Variants in FTCDNL1 observed in about 807,000 individuals in gnomAD.
FTCDNL1 encodes formiminotransferase N-terminal subdomain-containing protein.
In FTCDNL1, 11 loss-of-function variants were observed where a neutral mutation model predicts 5.9. That is an observed-to-expected ratio of 1.87 (90% confidence interval 1.18 to 3.10). FTCDNL1 has a LOEUF of 3.10. FTCDNL1 is among the 30% of genes most tolerant of loss of function. The probability of loss-of-function intolerance (pLI) is 0.00; values close to 1 mark genes in which losing one functional copy is unlikely to be tolerated. For synonymous variants in FTCDNL1, 58 were observed against 24.8 expected (o/e 2.34, Z -3.99); for missense variants, 115 against 65.5 (o/e 1.76, Z -2.61).
the FTCDNL1 span, among the ~76,000 whole-genome samples, chr2:199,741,714 G>A: frequency 7.9e-5 from 12 of 152,010 alleles, no homozygotes; most frequent in African/African-American, 2.2e-4. Context: ...GTTAACAAGC[G>A]CACTATAAGA....
intron 4 of FTCDNL1, among the ~76,000 whole-genome samples, chr2:199,818,025 A>C (rs1701457774): frequency 6.6e-6 from 1 of 152,188 alleles, no homozygotes; most frequent in Non-Finnish European, 1.5e-5. Context: ...CCAAATATAG[A>C]CCCATTTATT....
the FTCDNL1 span, among the ~76,000 whole-genome samples, chr2:199,689,240 T>C: frequency 2.0e-5 from 3 of 152,314 alleles, no homozygotes; most frequent in African/African-American, 4.8e-5. Context: ...CATTTTTATG[T>C]AGTTACCCTT....
chr2:199,803,434 C>A (rs921614964), intron 3 of FTCDNL1, among the ~76,000 whole-genome samples: 1 of 140,922 alleles, frequency 7.1e-6, no homozygotes, highest in South Asian at 2.5e-4. Flanking sequence ...GAATGTGGGT[C>A]CAAGGTTATT....
At chr2:199,783,896 C>A (rs568990355) in intron 3 of FTCDNL1, among the ~76,000 whole-genome samples, 6 of 151,894 alleles carry the variant, frequency 4.0e-5, no homozygotes, top group Non-Finnish European at 8.8e-5. Context: ...TGCTACAATG[C>A]TAGCTTTTGA....
chr2:199,711,695 G>A, the FTCDNL1 span, among the ~76,000 whole-genome samples: 1 of 152,120 alleles, frequency 6.6e-6, no homozygotes, highest in Non-Finnish European at 1.5e-5. Flanking sequence ...TAAAGGGACT[G>A]TTGAAAAAAG....
intron 3 of FTCDNL1, among the ~76,000 whole-genome samples, chr2:199,769,482 C>T (rs1698703051): frequency 6.6e-6 from 1 of 151,960 alleles, no homozygotes; most frequent in Non-Finnish European, 1.5e-5. Context: ...TTTTGAGGCC[C>T]CCCCAGCCAT....
chr2:199,824,277 G>T (rs772978348), intron 3 of FTCDNL1, among the ~76,000 whole-genome samples: 1 of 152,084 alleles, frequency 6.6e-6, no homozygotes, highest in Admixed American at 6.6e-5. Flanking sequence ...CTTTTCTTCC[G>T]TAGCATTGTC....
chr2:199,698,738 C>T, the FTCDNL1 span, among the ~76,000 whole-genome samples: 3 of 151,780 alleles, frequency 2.0e-5, no homozygotes, highest in African/African-American at 7.3e-5. Context: ...ACAACCAGTC[C>T]CAAAGCTAGT....
At chr2:199,783,409 G>A (rs766361728) in intron 3 of FTCDNL1, among the ~76,000 whole-genome samples, 3 of 152,068 alleles carry the variant, frequency 2.0e-5, no homozygotes, top group Non-Finnish European at 2.9e-5. Flanking sequence ...ATAAGTTCTC[G>A]TATACATCTT....
chr2:199,760,699 G>T (rs1364105214), exon 4 of FTCDNL1: 3 of 656,226 alleles, frequency 4.6e-6, no homozygotes, highest in Admixed American at 2.1e-5. Flanking sequence ...TTTTTAAAAA[G>T]AATTAAATGG....
intron 3 of FTCDNL1, among the ~76,000 whole-genome samples, chr2:199,774,022 G>A (rs1384941284): frequency 6.6e-6 from 1 of 152,158 alleles, no homozygotes; most frequent in Non-Finnish European, 1.5e-5. Context: ...TCCTGTCCCT[G>A]GAATGTAGTC....
chr2:199,718,940 G>A, the FTCDNL1 span, among the ~76,000 whole-genome samples: 16 of 151,700 alleles, frequency 1.1e-4, no homozygotes, highest in Non-Finnish European at 2.1e-4. Flanking sequence ...GTAGGTTCTG[G>A]ACATTAGCCC....
chr2:199,843,438 C>G lies in FTCDNL1; in HGVS notation c.211+2637G>C, dbSNP rs193004246. Among the ~76,000 whole-genome samples, 12 of 152,268 alleles carry G rather than the reference C, an allele frequency of 7.9e-5. No individual in the cohort carries two copies. The South Asian group carries it at 1.0e-3, about 13-fold the overall frequency. On this transcript the variant is annotated intron_variant, in intron 3 of 4. Coordinates refer to ENST00000420128, the MANE Select transcript of FTCDNL1 (RefSeq NM_001363886.2). The stretch of plus-strand genomic sequence containing the variant: ...TGTGTGGAACATATTTCCCCACCCC[C>G]CCATGCTGAATTTTAACTCTTTCTT...
chr2:199,741,702 A>G, the FTCDNL1 span, among the ~76,000 whole-genome samples: 1 of 152,218 alleles, frequency 6.6e-6, no homozygotes, highest in African/African-American at 2.4e-5. Context: ...CTGGAACTAG[A>G]TGTTAACAAG....
Position 199,819,517 on chromosome 2 carries a change from C to T in FTCDNL1, c.397+55G>A, listed in dbSNP as rs772468815. The T allele has an allele frequency of 7.3e-6, 5 of 685,096 alleles. No homozygotes were observed. The South Asian group carries it at 7.7e-5, about 10-fold the overall frequency. 42.4% of individuals were successfully genotyped at this position (685,096 alleles called of 1,614,324 possible). ...AACAGGGTGTGGCTCATAAAGGGGA[C>T]CTCAAGTTTAAAAAAAAAAAAAAAA... On this transcript the variant is annotated intron_variant, in intron 4 of 4. Transcript: ENST00000420128.
the FTCDNL1 span, among the ~76,000 whole-genome samples, chr2:199,729,295 A>G: frequency 1.3e-5 from 2 of 152,234 alleles, no homozygotes; most frequent in South Asian, 2.1e-4. Flanking sequence ...CAAACTTCCA[A>G]TAAGGATGCC....
intron 3 of FTCDNL1, among the ~76,000 whole-genome samples, chr2:199,838,699 C>T (rs919731201): frequency 1.2e-4 from 18 of 151,918 alleles, no homozygotes; most frequent in African/African-American, 3.9e-4. Flanking sequence ...GCTTCAGCAG[C>T]GGTCAGAGCC....
the FTCDNL1 span, among the ~76,000 whole-genome samples, chr2:199,668,851 G>A: frequency 3.3e-5 from 5 of 152,062 alleles, no homozygotes; most frequent in African/African-American, 9.7e-5. Flanking sequence ...AGGGGAACTC[G>A]GGAAGAAAGG....
At chr2:199,716,688 C>A in the FTCDNL1 span, among the ~76,000 whole-genome samples, 1 of 152,144 alleles carries the variant, frequency 6.6e-6, no homozygotes, top group East Asian at 1.9e-4. Context: ...TACTATAACG[C>A]TATTTACAAT....
Sources: gnomAD v4.1 joint callset for allele counts (sites outside exome capture counted in the v4.1 genomes callset) on GRCh38, gnomAD v4.1.1 for gene constraint, MANE v1.5 for transcripts, NCBI Gene and HGNC (gene_info 2026-07-23, HGNC 2026-07-21) for gene names.